The following MMRN1 variants were observed in gnomAD, a reference collection of about 807,000 sequenced individuals.
The protein encoded by MMRN1 is multimerin-1.
Under a neutral mutation model 100.7 loss-of-function variants are expected in MMRN1, and 94 were observed. That is an observed-to-expected ratio of 0.93 (90% CI 0.79 to 1.11). The LOEUF (loss-of-function observed/expected upper bound fraction) is 1.11, where lower values mean the gene tolerates loss of function less well. Ranked by LOEUF, MMRN1 falls within the 50% of genes least tolerant of loss-of-function variation. The pLI is 0.00. For missense variants in MMRN1, 1,606 were observed against 1,439.1 expected, an observed-to-expected ratio of 1.12 and a Z score of -1.88; for synonymous variants, 575 against 505.0, an observed-to-expected ratio of 1.14 and a Z score of -1.86.
Position 89,953,387 on chromosome 4 carries a change from C to A in MMRN1, c.3656C>A (p.Thr1219Lys), listed in dbSNP as rs1187911393. The A allele has an allele frequency of 1.2e-6, 2 of 1,609,672 alleles. No individual in the cohort carries two copies. The highest frequency in any genetic ancestry group is 3.4e-5 in the Admixed American group (2 of 59,286). ...TIPAKFPPVT[T>K]FSGYLLYRT ...CCAGCCAAGTTTCCCCCTGTTACTA[C>A]ATTTAGTGGCTATTTATTATATCGT... Residue 1219 changes from threonine to lysine, a missense_variant, in exon 8 of 8, where the codon ACA becomes AAA. Thr to Lys is a moderately conservative substitution (Grantham distance 78). Coordinates refer to ENST00000264790, the MANE Select transcript of MMRN1 (RefSeq NM_007351.3).
chr4:89,928,003 A>G, intron 5 of MMRN1, 35 bp downstream of exon 5: 1 of 1,453,296 alleles, frequency 6.9e-7, no homozygotes, highest in African/African-American at 1.4e-5. Context: ...TTCATTCAGT[A>G]ACACAGAAAG....
In MMRN1 at chr4:89,952,988, C is replaced by T; in HGVS notation, c.3266-9C>T. 6.5e-7 allele frequency: 1 copy of T among 1,547,014 alleles called. No individual in the cohort carries two copies. The highest frequency in any genetic ancestry group is 1.4e-5 in the African/African-American group (1 of 71,826). The stretch of plus-strand genomic sequence containing the variant: ...GAAAATTAACTCTTGCCATTTTTTC[C>T]TCTAACAGATTTTTCCAAAGGATCT... On this transcript the variant is annotated splice_polypyrimidine_tract_variant and intron_variant, in intron 7 of 7. Transcript: ENST00000264790.
chr4:89,914,478 C>G (rs1379523630), intron 3 of MMRN1, among the ~76,000 whole-genome samples: 1 of 151,268 alleles, frequency 6.6e-6, no homozygotes, highest in African/African-American at 2.4e-5. Flanking sequence ...TAAAAATATT[C>G]ATCATATTAT....
intron 3 of MMRN1, among the ~76,000 whole-genome samples, chr4:89,917,368 G>A (rs997545092): frequency 3.3e-5 from 5 of 151,760 alleles, no homozygotes; most frequent in African/African-American, 1.2e-4. Context: ...TTTGTGATTT[G>A]TATTGAGGTC....
intron 3 of MMRN1, among the ~76,000 whole-genome samples, chr4:89,913,361 C>T (rs2110600791): frequency 6.6e-6 from 1 of 151,388 alleles, no homozygotes; most frequent in African/African-American, 2.4e-5. Flanking sequence ...GTTGTTATTA[C>T]ACATCTTATT....
rs1234532952 is a variant in MMRN1, at chr4:89,935,620, A to G, written c.1940A>G (p.Glu647Gly). Residue 647 changes from glutamate (E) to glycine (G), a missense_variant, in exon 6 of 8, where the codon GAG (glutamate) becomes GGG (glycine). Glu to Gly is a moderately conservative substitution (Grantham distance 98, BLOSUM62 -2). Transcript: ENST00000264790. ...EQLNDLTYDMEILQPLLEQGA... is the reference protein window; with the variant it reads ...EQLNDLTYDMGILQPLLEQGA... ...CTAAATGATTTGACTTATGATATGG[A>G]GATCCTTCAACCCTTGCTTGAGCAG... The G allele has an allele frequency of 6.2e-7, 1 of 1,613,450 alleles. No homozygotes were observed. Among genetic ancestry groups the G allele is most frequent in the African/African-American group, 1.3e-5 (1 of 74,916 alleles).
chr4:89,944,033 C>G (rs1472355546), intron 6 of MMRN1, among the ~76,000 whole-genome samples: 3 of 151,546 alleles, frequency 2.0e-5, no homozygotes, highest in African/African-American at 7.3e-5. Context: ...GTGCAATGTT[C>G]TGTTATATTT....
chr4:89,890,208 G>A (rs974371743), upstream of MMRN1, among the ~76,000 whole-genome samples: 4 of 151,090 alleles, frequency 2.6e-5, no homozygotes, highest in African/African-American at 9.7e-5. Flanking sequence ...GCTGGCAAGG[G>A]TGGGTTCTTT....
At chr4:89,905,100 TA>T (rs1262777844) in intron 1 of MMRN1, among the ~76,000 whole-genome samples, 5 of 151,702 alleles carry the variant, frequency 3.3e-5, no homozygotes, top group Admixed American at 2.0e-4. Flanking sequence ...TAAACACTTA[TA>T]AAAAAATATA....
upstream of MMRN1, among the ~76,000 whole-genome samples, chr4:89,891,887 A>T (rs986212125): frequency 6.6e-6 from 1 of 152,146 alleles, no homozygotes; most frequent in East Asian, 1.9e-4. Flanking sequence ...AAGTTAGCCC[A>T]TACCCCCAAC....
intron 1 of MMRN1, among the ~76,000 whole-genome samples, chr4:89,885,366 ACTGGT>A (rs1208603347): frequency 6.6e-6 from 1 of 152,086 alleles, no homozygotes; most frequent in Non-Finnish European, 1.5e-5. Context: ...AATGAAAGAT[ACTGGT>A]CTGAAGTTTT....
At chr4:89,925,569 C>T (rs895276817) in intron 4 of MMRN1, among the ~76,000 whole-genome samples, 4 of 151,388 alleles carry the variant, frequency 2.6e-5, no homozygotes, top group South Asian at 4.2e-4. Context: ...TGGTGGCTCA[C>T]GCCTGTAATC....
chr4:89,946,640 C>A (rs536362081), intron 6 of MMRN1, among the ~76,000 whole-genome samples: 1 of 151,976 alleles, frequency 6.6e-6, no homozygotes, highest in African/African-American at 2.4e-5. Flanking sequence ...GAAGTTCATA[C>A]ATTAATCGAG....
intron 5 of MMRN1, among the ~76,000 whole-genome samples, chr4:89,933,032 T>G (rs1423198319): frequency 6.6e-6 from 1 of 152,168 alleles, no homozygotes; most frequent in Non-Finnish European, 1.5e-5. Flanking sequence ...CCAAGCCATA[T>G]CTTTGTGAAT....
chr4:89,931,730 C>A (rs948626611), intron 5 of MMRN1, among the ~76,000 whole-genome samples: 6 of 152,152 alleles, frequency 3.9e-5, no homozygotes, highest in Admixed American at 1.3e-4. Flanking sequence ...ACCATCAGAT[C>A]TTGTGAGACT....
chr4:89,888,707 T>A (rs901170148), intron 1 of MMRN1, among the ~76,000 whole-genome samples: 1 of 152,118 alleles, frequency 6.6e-6, no homozygotes. Context: ...TTTTCTTTGA[T>A]ATTTCCAGTA....
At chr4:89,905,361 C>T (rs1244837612) in intron 1 of MMRN1, among the ~76,000 whole-genome samples, 1 of 151,356 alleles carries the variant, frequency 6.6e-6, no homozygotes, top group African/African-American at 2.4e-5. Context: ...AAATTATTCT[C>T]TTATGAGGGA....
In MMRN1 at chr4:89,936,270, G is replaced by A; in HGVS notation, c.2590G>A (p.Asp864Asn). Residue 864 changes from aspartate (D) to asparagine (N), a missense_variant, in exon 6 of 8, where the codon GAC becomes AAC. Asp to Asn is a conservative substitution (Grantham distance 23, BLOSUM62 1). Coordinates refer to ENST00000264790, the MANE Select transcript of MMRN1 (RefSeq NM_007351.3). ...ISKNFETRLQDIESKVTQTLI... is the reference protein window; with the variant it reads ...ISKNFETRLQNIESKVTQTLI... ...CAAAAATTTTGAGACTCGGTTGCAA[G>A]ACATTGAGTCTAAAGTTACCCAGAC... is the stretch of plus-strand genomic sequence containing the variant. 6.2e-7 allele frequency: 1 copy of A among 1,606,930 alleles called. No homozygotes were observed. The highest frequency in any genetic ancestry group is 2.2e-5 in the East Asian group (1 of 44,764).
intron 6 of MMRN1, among the ~76,000 whole-genome samples, chr4:89,945,622 C>A (rs75902029): frequency 0.019 from 2,850 of 152,168 alleles, 47 homozygotes; most frequent in Middle Eastern, 0.065. Flanking sequence ...TTTAATTCTT[C>A]TCTTGATTGA....
Sources: gnomAD v4.1 joint callset for allele counts (sites outside exome capture counted in the v4.1 genomes callset) on GRCh38, gnomAD v4.1.1 for gene constraint, MANE v1.5 for transcripts, NCBI Gene and HGNC (gene_info 2026-07-23, HGNC 2026-07-21) for gene names.